MGA: variants seen among roughly 807,000 people sequenced by gnomAD.
MGA encodes MAX dimerization protein MGA.
In MGA, 40 loss-of-function variants were observed where a neutral mutation model predicts 261.1. That is an observed-to-expected ratio of 0.15 (90% CI 0.12 to 0.20). The LOEUF is 0.20. MGA is among the 10% of genes least tolerant of loss of function. The pLI, the probability that MGA is intolerant of heterozygous loss-of-function variation, is 1.00. For missense variants in MGA, 3,397 were observed against 3,630.5 expected (o/e 0.94, Z 1.65); for synonymous variants, 1,302 against 1,290.6 (o/e 1.01, Z -0.19).
chr15:41,726,090 G>A (rs938953219), intron 9 of MGA, among the ~76,000 whole-genome samples: 3 of 152,112 alleles, frequency 2.0e-5, no homozygotes, highest in African/African-American at 4.8e-5. Context: ...GTTTCATTGC[G>A]TCTATATTGA....
chr15:41,623,324 A>T (rs12902047), intron 1 of MGA, among the ~76,000 whole-genome samples: 2 of 152,094 alleles, frequency 1.3e-5, no homozygotes, highest in Non-Finnish European at 2.9e-5. Context: ...GTAGTGAAAC[A>T]GAATAATCTA....
intron 1 of MGA, among the ~76,000 whole-genome samples, chr15:41,623,176 T>G (rs2056351178): frequency 6.6e-6 from 1 of 152,202 alleles, no homozygotes; most frequent in African/African-American, 2.4e-5. Context: ...CCAAATGGTT[T>G]TAAAATTCAT....
upstream of MGA, among the ~76,000 whole-genome samples, chr15:41,655,556 T>A (rs1827370034): frequency 6.6e-6 from 1 of 152,196 alleles, no homozygotes; most frequent in African/African-American, 2.4e-5. Flanking sequence ...TTTTTTTATT[T>A]TGTTGTATTG....
rs1047646372 is a variant in MGA, at chr15:41,769,666, A to G, written c.*2386A>G. Reference sequence around the variant, plus strand: ...GAAGTTGAGTGAGAGGAGTTGAGGAACGTGGAAGACAGTGAGCTCTCACCC... The same window carrying G: ...GAAGTTGAGTGAGAGGAGTTGAGGAGCGTGGAAGACAGTGAGCTCTCACCC... On this transcript the variant is annotated 3_prime_UTR_variant, in exon 24 of 24. Coordinates refer to ENST00000219905, the MANE Select transcript of MGA (RefSeq NM_001164273.2). The G allele has an allele frequency of 3.9e-5, 6 of 152,646 alleles. No homozygotes were observed. Among genetic ancestry groups the G allele is most frequent in the African/African-American group, 1.4e-4 (6 of 41,456 alleles). The allele number at this position is 152,646 out of a possible 1,614,324, so 9.5% of individuals were successfully genotyped here.
At chr15:41,673,958 C>T (rs1392503199) in intron 2 of MGA, among the ~76,000 whole-genome samples, 1 of 152,160 alleles carries the variant, frequency 6.6e-6, no homozygotes, top group Non-Finnish European at 1.5e-5. Context: ...GTGGCGCGAT[C>T]TCGACTCACG....
chr15:41,675,463 T>C (rs1301100288), intron 2 of MGA, among the ~76,000 whole-genome samples: 1 of 152,054 alleles, frequency 6.6e-6, no homozygotes, highest in African/African-American at 2.4e-5. Context: ...AGCCTTGACC[T>C]CTTGGGCTTT....
rs368662682 is a variant in MGA, at chr15:41,707,998, G to C, written c.2321-106G>C. The C allele has an allele frequency of 1.5e-5, 21 of 1,362,820 alleles. No homozygotes were observed. In the African/African-American group the frequency reaches 2.9e-4, roughly 19 times the overall value. 84.4% of individuals were successfully genotyped at this position (1,362,820 alleles called of 1,614,324 possible). On this transcript the variant is annotated intron_variant, in intron 6 of 23. Coordinates refer to ENST00000219905, the MANE Select transcript of MGA (RefSeq NM_001164273.2). Reference sequence around the variant, plus strand: ...ATCTTTTGTCTGTTGTTATAGTTTTGATAAGTGATTTATACACTTACCAAA... The same window carrying C: ...ATCTTTTGTCTGTTGTTATAGTTTTCATAAGTGATTTATACACTTACCAAA...
At chr15:41,634,531 A>G (rs1210324051) in intron 1 of MGA, among the ~76,000 whole-genome samples, 1 of 152,214 alleles carries the variant, frequency 6.6e-6, no homozygotes, top group Non-Finnish European at 1.5e-5. Context: ...ATGTTTGAAT[A>G]TCATATACAT....
Position 41,663,559 on chromosome 15 carries a change from A to G in MGA, c.-68+3034A>G, listed in dbSNP as rs147360879. ...TCCAAGGCTAGAATGCAGTGGTGCT[A>G]TCTCGGCTCATTGCAACCTCCTGCC... On this transcript the variant is annotated intron_variant, in intron 1 of 23. Transcript: ENST00000219905. Among the ~76,000 whole-genome samples, 219 of 152,062 alleles carry G rather than the reference A, an allele frequency of 1.4e-3. 1 individual carries two copies. Among genetic ancestry groups the G allele is most frequent in the African/African-American group, 5.1e-3 (210 of 41,462 alleles).
In MGA at chr15:41,750,108, G is replaced by A. The variant is rs750298940; in HGVS notation, c.6501G>A (p.Leu2167=). The A allele has an allele frequency of 6.2e-7, 1 of 1,613,424 alleles. No individual in the cohort carries two copies. The highest frequency in any genetic ancestry group is 8.5e-7 in the Non-Finnish European group (1 of 1,179,754). ...AAGAGAAGGAATGTGGAGACTCTCT[G>A]GAGAAAGACAGGGAAAGATGGAGAA... is the stretch of plus-strand genomic sequence containing the variant. The change falls in exon 17 of 24, where the codon CTG becomes CTA. Residue 2167 remains leucine (L), a synonymous_variant. Coordinates refer to ENST00000219905, the MANE Select transcript of MGA (RefSeq NM_001164273.2).
intron 1 of MGA, among the ~76,000 whole-genome samples, chr15:41,665,233 G>A (rs1460029704): frequency 6.6e-6 from 1 of 151,946 alleles, no homozygotes; most frequent in Non-Finnish European, 1.5e-5. Flanking sequence ...TAATTATAAT[G>A]AAGAAGACTA....
At chr15:41,736,787 C>T in intron 13 of MGA, 89 bp downstream of exon 13, 5 of 1,344,000 alleles carry the variant, frequency 3.7e-6, no homozygotes, top group Non-Finnish European at 4.9e-6. Flanking sequence ...GTCCTGATAT[C>T]CTTTATCTTG....
chr15:41,748,802 G>A lies in MGA; in HGVS notation c.5378G>A (p.Arg1793Lys), dbSNP rs1424507331. Residue 1793 changes from arginine to lysine, a missense_variant, in exon 16 of 24, where the codon AGG (arginine) becomes AAG (lysine). Arg to Lys is a conservative substitution (Grantham distance 26). Coordinates refer to ENST00000219905, the MANE Select transcript of MGA (RefSeq NM_001164273.2). ...CATCGGATGGTCTTGCAGCCTGTTA[G>A]GAGTCCAAGTGGAATGAACTTATTC... is the stretch of plus-strand genomic sequence containing the variant. 1 of 1,613,792 alleles carries A rather than the reference G, an allele frequency of 6.2e-7. No homozygotes were observed. The highest frequency in any genetic ancestry group is 1.3e-5 in the African/African-American group (1 of 74,870).
intron 15 of MGA, among the ~76,000 whole-genome samples, chr15:41,748,345 G>A (rs1260715163): frequency 6.6e-6 from 1 of 152,134 alleles, no homozygotes; most frequent in East Asian, 1.9e-4. Flanking sequence ...TTGAGGTCAG[G>A]GGTTTGAGAC....
At chr15:41,705,734 A>G (rs1229703087) in intron 5 of MGA, among the ~76,000 whole-genome samples, 1 of 152,198 alleles carries the variant, frequency 6.6e-6, no homozygotes, top group Non-Finnish European at 1.5e-5. Flanking sequence ...AAAGCATACA[A>G]CTGAATGTGG....
intron 5 of MGA, among the ~76,000 whole-genome samples, chr15:41,703,632 C>T (rs558988332): frequency 3.5e-4 from 53 of 152,174 alleles, no homozygotes; most frequent in Non-Finnish European, 6.3e-4. Context: ...ATCCCAGTTA[C>T]TCTGGAGGCT....
chr15:41,669,985 A>G (rs2057954539), intron 2 of MGA, 27 bp downstream of exon 2: 5 of 1,556,692 alleles, frequency 3.2e-6, no homozygotes, highest in Non-Finnish European at 4.4e-6. Flanking sequence ...CTGTTCTTAG[A>G]AATAAAAGGA....
upstream of MGA, among the ~76,000 whole-genome samples, chr15:41,656,377 T>TCTCTCTCTCTCTCTCTCTCA (rs1555403733): frequency 4.5e-3 from 307 of 68,020 alleles, 9 homozygotes; most frequent in East Asian, 0.039. Flanking sequence ...TCTCTCTCTC[T>TCTCTCTCTCTCTCTCTCTCA]CACACCCAGG....
In MGA at chr15:41,663,472, T is replaced by A. The variant is rs1340825207; in HGVS notation, c.-68+2947T>A. Among the ~76,000 whole-genome samples the A allele has an allele frequency of 2.9e-5, 4 of 136,128 alleles. No homozygotes were observed. In the East Asian group the frequency reaches 1.1e-3, roughly 39 times the overall value. 89.3% of individuals were successfully genotyped at this position (136,128 alleles called of 152,430 possible). ...ATGAGTAGCCTACCCTTTTCTTTTCTTTATTATTATTATTGTTGTTGTTGT... is the reference window on the plus strand; with the variant it reads ...ATGAGTAGCCTACCCTTTTCTTTTCATTATTATTATTATTGTTGTTGTTGT... On this transcript the variant is annotated intron_variant, in intron 1 of 23. Coordinates refer to ENST00000219905, the MANE Select transcript of MGA (RefSeq NM_001164273.2).
Sources: gnomAD v4.1 joint callset for allele counts (sites outside exome capture counted in the v4.1 genomes callset) on GRCh38, gnomAD v4.1.1 for gene constraint, MANE v1.5 for transcripts, NCBI Gene and HGNC (gene_info 2026-07-23, HGNC 2026-07-21) for gene names.